LLGL1: variants seen among roughly 807,000 people sequenced by gnomAD.
LLGL1 encodes the protein lethal(2) giant larvae protein homolog 1.
A neutral mutation model predicts 110.6 loss-of-function variants in LLGL1; 58 were observed. The ratio of observed to expected loss-of-function variants is 0.52; its 90% CI spans 0.42 to 0.65. LLGL1 has a LOEUF of 0.65. LLGL1 is among the 30% of genes least tolerant of loss of function. LLGL1 has a pLI of 0.00. For missense variants in LLGL1, 1,229 were observed against 1,462.1 expected, an observed-to-expected ratio of 0.84 and a Z score of 2.60; for synonymous variants, 674 against 607.2, an observed-to-expected ratio of 1.11 and a Z score of -1.62.
chr17:18,236,329 C>A (rs1249518221), intron 11 of LLGL1: 3 of 453,224 alleles, frequency 6.6e-6, no homozygotes, highest in Non-Finnish European at 8.0e-6. Flanking sequence ...CTCTACATGT[C>A]CCCCTTTGCC....
At position 18,233,885 on chromosome 17, in the gene LLGL1, C is replaced by A; in HGVS notation, c.500C>A (p.Thr167Asn). Residue 167 changes from threonine (T) to asparagine (N), a missense_variant, in exon 5 of 23, where the codon ACC (threonine) becomes AAC (asparagine). Transcript: ENST00000316843. ...AGTGTCTTCTTCCTGGATGTTACCA[C>A]CCTGACCCTGCTCGAGGGGCAGACG... Reference protein sequence around the residue: ...GSSVFFLDVTTLTLLEGQTLA... With the variant: ...GSSVFFLDVTNLTLLEGQTLA... 1 of 1,613,652 alleles carries A rather than the reference C, an allele frequency of 6.2e-7. No homozygotes were observed. The highest frequency in any genetic ancestry group is 8.5e-7 in the Non-Finnish European group (1 of 1,180,014).
Position 18,229,985 on chromosome 17 carries a change from C to T in LLGL1, c.126C>T (p.Phe42=), listed in dbSNP as rs768908181. 2.0e-5 allele frequency: 32 copies of T among 1,612,176 alleles called. No homozygotes were observed. The highest frequency in any genetic ancestry group is 1.6e-4 in the Middle Eastern group (1 of 6,068). ...GFPNQPSALA[F]DPELRIMAIG... ...CCAATCAGCCCAGCGCCCTGGCCTT[C>T]GACCCGGAACTTCGCATCATGGCCA... The change falls in exon 2 of 23, where the codon TTC becomes TTT. Residue 42 remains phenylalanine (F), a synonymous_variant. Coordinates refer to ENST00000316843, the MANE Select transcript of LLGL1 (RefSeq NM_004140.4).
In LLGL1 at chr17:18,240,555, T is replaced by A. The variant is rs1366790298; in HGVS notation, c.2207-23T>A. The stretch of plus-strand genomic sequence containing the variant: ...GATGCCTGGCCCACAGGGAGCACCC[T>A]CCTACGCGCTTGTTTTCTGCAGGGG... On this transcript the variant is annotated intron_variant, in intron 16 of 22. Coordinates refer to ENST00000316843, the MANE Select transcript of LLGL1 (RefSeq NM_004140.4). This position sits in a 1 kb window ranked among gnomAD's most constrained non-coding sequence, Gnocchi z 5.3. The A allele has an allele frequency of 6.4e-7, 1 of 1,566,514 alleles. No individual in the cohort carries two copies. The highest frequency in any genetic ancestry group is 8.7e-7 in the Non-Finnish European group (1 of 1,152,998).
rs2047655284 is a variant in LLGL1 at position 18,234,845 on chromosome 17, C to T, written c.912C>T (p.His304=). The change falls in exon 9 of 23, where the codon CAC becomes CAT. Residue 304 remains histidine (H), a synonymous_variant. Coordinates refer to ENST00000316843, the MANE Select transcript of LLGL1 (RefSeq NM_004140.4). ...ILWRNCESGG[H]FIIFSGGMPR... The stretch of plus-strand genomic sequence containing the variant: ...CACCTCCCTCTGCACATAGGGGCCA[C>T]TTTATCATCTTCAGCGGTGGCATGC... 1.2e-6 allele frequency: 2 copies of T among 1,613,976 alleles called. No homozygotes were observed. The highest frequency in any genetic ancestry group is 1.1e-5 in the South Asian group (1 of 91,082).
At chr17:18,237,022 G>A (rs2047709583) in intron 13 of LLGL1, 83 bp downstream of exon 13, 1 of 1,237,856 alleles carries the variant, frequency 8.1e-7, no homozygotes, top group African/African-American at 1.5e-5. Flanking sequence ...TGGAAAGGGA[G>A]ATGGACTGGC....
chr17:18,239,112 G>T (rs1199230146), intron 16 of LLGL1, among the ~76,000 whole-genome samples: 1 of 152,206 alleles, frequency 6.6e-6, no homozygotes, highest in Non-Finnish European at 1.5e-5. Context: ...AGCTGGGTGG[G>T]CCTCTCAGAT....
intron 2 of LLGL1, among the ~76,000 whole-genome samples, chr17:18,231,431 G>A (rs1040223238): frequency 2.6e-5 from 4 of 152,222 alleles, no homozygotes; most frequent in Non-Finnish European, 5.9e-5. Context: ...CCGGGGCAAC[G>A]TTGCTGACTC....
intron 1 of LLGL1, among the ~76,000 whole-genome samples, chr17:18,228,319 A>G (rs1045504799): frequency 4.6e-5 from 7 of 152,186 alleles, no homozygotes; most frequent in African/African-American, 1.7e-4. Flanking sequence ...GAAGTGCTGG[A>G]GGAAGTGCGT....
chr17:18,230,079 C>A, intron 2 of LLGL1, 41 bp downstream of exon 2: 1 of 1,475,610 alleles, frequency 6.8e-7, no homozygotes, highest in Non-Finnish European at 9.4e-7. Flanking sequence ...TGTTCAGGAC[C>A]ACCTGCCTGT....
chr17:18,241,772 C>G (rs1597880735), intron 18 of LLGL1, 57 bp downstream of exon 18: 1 of 1,608,176 alleles, frequency 6.2e-7, no homozygotes. Context: ...TGAGTGGGAC[C>G]AGTACTGCTT....
rs569647372 is a variant in LLGL1 at position 18,233,304 on chromosome 17, A to C, written c.393-474A>C. On this transcript the variant is annotated intron_variant, in intron 4 of 22. Transcript: ENST00000316843. The stretch of plus-strand genomic sequence containing the variant: ...CCCCAGCTGAGTGAGAGTGTGGGGC[A>C]TCTCTCTCCCCAGCCCTGCCTGAAA... 1.4e-4 allele frequency among the ~76,000 whole-genome samples: 22 copies of C among 152,224 alleles called. No individual in the cohort carries two copies. The East Asian group carries it at 2.1e-3, about 15-fold the overall frequency.
intron 1 of LLGL1, among the ~76,000 whole-genome samples, chr17:18,227,321 G>A (rs1190380286): frequency 1.3e-5 from 2 of 152,184 alleles, no homozygotes; most frequent in African/African-American, 2.4e-5. Context: ...CTGTGCCGGG[G>A]AGGCTGTGAG....
At chr17:18,234,475 C>A in intron 7 of LLGL1, 67 bp downstream of exon 7, 1 of 1,593,180 alleles carries the variant, frequency 6.3e-7, no homozygotes. Flanking sequence ...CCAAGCCAAA[C>A]TGGCTGAGGA....
rs376148449 is a variant in LLGL1, at chr17:18,235,519, G to T, written c.1334G>T (p.Arg445Leu). The T allele has an allele frequency of 6.8e-6, 11 of 1,613,912 alleles. No individual in the cohort carries two copies. The South Asian group carries it at 1.2e-4, about 18-fold the overall frequency. The change falls in exon 11 of 23, where the codon CGA (arginine) becomes CTA (leucine). Residue 445 changes from arginine to leucine, a missense_variant. Transcript: ENST00000316843. ...AACCTGGCCCAGGAGCCGTCACAGC[G>T]AGGGCTGCTGCTGACGGGGTAGGTG... ...GRNLAQEPSQ[R>L]GLLLTGHEDG...
At chr17:18,239,490 CT>C (rs1238708239) in intron 16 of LLGL1, among the ~76,000 whole-genome samples, 1 of 152,182 alleles carries the variant, frequency 6.6e-6, no homozygotes, top group African/African-American at 2.4e-5. Context: ...TTCTGCCCCC[CT>C]CCTCCACATT....
Position 18,237,510 on chromosome 17 carries a change from G to C in LLGL1, c.1641G>C (p.Pro547=). The C allele has an allele frequency of 6.3e-7, 1 of 1,596,256 alleles. No individual in the cohort carries two copies. The highest frequency in any genetic ancestry group is 8.6e-7 in the Non-Finnish European group (1 of 1,168,770). The change falls in exon 14 of 23, where the codon CCG becomes CCC. Residue 547 remains proline (P), a synonymous_variant. Coordinates refer to ENST00000316843, the MANE Select transcript of LLGL1 (RefSeq NM_004140.4). ...TGGTACTGGAGCTTAGTGATGTGCC[G>C]GTGGAGCAGGCGGTCAGCGTGGCCA... The part of the protein sequence containing the change: ...QVLVLELSDV[P]VEQAVSVAII...
chr17:18,237,172 A>T, intron 13 of LLGL1: 1 of 598,030 alleles, frequency 1.7e-6, no homozygotes, highest in Non-Finnish European at 3.0e-6. Context: ...CGGCACTCAC[A>T]TGACATACAG....
rs1427475418 is a variant in LLGL1 at position 18,225,733 on chromosome 17, G to A, written c.51G>A (p.Lys17=). The change falls in exon 1 of 23, where the codon AAG becomes AAA. Residue 17 remains lysine, a synonymous_variant. Coordinates refer to ENST00000316843, the MANE Select transcript of LLGL1 (RefSeq NM_004140.4). ...AGGGCGCCGACCCGCAGCGCGAGAA[G>A]CTCAAGCAGGAGCTTTTCGCCTTCA... The part of the protein sequence containing the change: ...RRQGADPQRE[K]LKQELFAFNK... 4.8e-6 allele frequency: 5 copies of A among 1,052,432 alleles called. No homozygotes were observed. The highest frequency in any genetic ancestry group is 9.3e-5 in the Admixed American group (2 of 21,458). The allele number at this position is 1,052,432 out of a possible 1,614,324, so 65.2% of individuals were successfully genotyped here.
Position 18,237,736 on chromosome 17 carries a change from C to G in LLGL1, c.1867C>G (p.Leu623Val). ...TTTTGGCACCAGTCATGGCTTTGGC[C>G]TCTTCGACTACCAGCGCAAGAGCCC... is the stretch of plus-strand genomic sequence containing the variant. ...VAFGTSHGFGLFDYQRKSPVL... is the reference protein window; with the variant it reads ...VAFGTSHGFGVFDYQRKSPVL... Residue 623 changes from leucine (L) to valine (V), a missense_variant, in exon 14 of 23, where the codon CTC becomes GTC. Transcript: ENST00000316843. The G allele has an allele frequency of 1.9e-6, 3 of 1,611,884 alleles. No individual in the cohort carries two copies. Among genetic ancestry groups the G allele is most frequent in the Non-Finnish European group, 1.7e-6 (2 of 1,179,174 alleles).
Sources: allele counts gnomAD v4.1 joint callset (sites outside exome capture counted in the v4.1 genomes callset), GRCh38; gene constraint gnomAD v4.1.1; non-coding constraint Gnocchi (gnomAD v3.1); transcripts MANE v1.5; gene names NCBI Gene and HGNC (gene_info 2026-07-23, HGNC 2026-07-21).